The following ARHGAP31 variants were observed in gnomAD, a reference collection of about 807,000 sequenced individuals.
ARHGAP31 encodes the protein rho GTPase-activating protein 31.
ARHGAP31 carries 34 observed loss-of-function variants against 113.9 expected under a neutral mutation model. The observed-to-expected ratio is 0.30, with a 90% CI of 0.23 to 0.40. The LOEUF is 0.40. Among genes scored for constraint, ARHGAP31 ranks in the 10% least tolerant of loss-of-function variants. ARHGAP31 has a pLI of 1.00. For synonymous variants in ARHGAP31, 650 were observed against 684.8 expected (o/e 0.95, Z 0.79); for missense variants, 1,548 against 1,767.1 (o/e 0.88, Z 2.22).
At chr3:119,303,645 C>T (rs1238736432) in intron 1 of ARHGAP31, among the ~76,000 whole-genome samples, 3 of 152,170 alleles carry the variant, frequency 2.0e-5, no homozygotes, top group Non-Finnish European at 4.4e-5. Flanking sequence ...TACCAGCTCT[C>T]GCTGTCATAG....
At position 119,368,439 on chromosome 3, in the gene ARHGAP31, G is replaced by A. The variant is rs1438152969; in HGVS notation, c.271G>A (p.Val91Met). 6.2e-6 allele frequency: 10 copies of A among 1,614,162 alleles called. No individual in the cohort carries two copies. Among genetic ancestry groups the A allele is most frequent in the Non-Finnish European group, 8.5e-6 (10 of 1,180,014 alleles). ...REVYLQDIHC[V>M]GSLCKLYFRE... Reference sequence around the variant, plus strand: ...AGTGTACCTCCAGGACATCCACTGTGTGGGCTCGCTTTGCAAGCTCTACTT... The same window carrying A: ...AGTGTACCTCCAGGACATCCACTGTATGGGCTCGCTTTGCAAGCTCTACTT... The change falls in exon 3 of 12, where the codon GTG becomes ATG. Residue 91 changes from valine (V) to methionine (M), a missense_variant. Val to Met is a conservative substitution (Grantham distance 21). Transcript: ENST00000264245.
At chr3:119,299,589 G>A (rs1001019517) in intron 1 of ARHGAP31, among the ~76,000 whole-genome samples, 3 of 152,174 alleles carry the variant, frequency 2.0e-5, no homozygotes, top group Admixed American at 1.3e-4. Flanking sequence ...CTACATTTCT[G>A]AGGCTAAATG....
rs1029075732 is a variant in ARHGAP31 at position 119,299,566 on chromosome 3, A to G, written c.100+4562A>G. ...CAAGGATAAGGCAACGGGAACTTTT[A>G]GATGTGACTCTTCTACATTTCTGAG... On this transcript the variant is annotated intron_variant, in intron 1 of 11. Coordinates refer to ENST00000264245, the MANE Select transcript of ARHGAP31 (RefSeq NM_020754.4). 3.3e-5 allele frequency among the ~76,000 whole-genome samples: 5 copies of G among 152,248 alleles called. No homozygotes were observed. In the South Asian group the frequency reaches 1.0e-3, roughly 31 times the overall value.
chr3:119,354,075 C>A (rs1202971808), intron 1 of ARHGAP31, among the ~76,000 whole-genome samples: 1 of 152,216 alleles, frequency 6.6e-6, no homozygotes, highest in Non-Finnish European at 1.5e-5. Flanking sequence ...GGCTTGGCAT[C>A]TGAGAGCCTA....
chr3:119,390,386 A>G (rs2080492947), intron 6 of ARHGAP31, among the ~76,000 whole-genome samples: 1 of 152,214 alleles, frequency 6.6e-6, no homozygotes, highest in African/African-American at 2.4e-5. Context: ...CAGTTAGGCT[A>G]TCTCTGTGGC....
At chr3:119,308,125 G>C (rs2079647619) in intron 1 of ARHGAP31, among the ~76,000 whole-genome samples, 1 of 152,102 alleles carries the variant, frequency 6.6e-6, no homozygotes, top group South Asian at 2.1e-4. Context: ...GATCAGAAGA[G>C]TGAAGGATTG....
intron 6 of ARHGAP31, 98 bp from the exon 7 acceptor site, chr3:119,390,687 A>G: frequency 7.4e-7 from 1 of 1,346,526 alleles, no homozygotes; most frequent in South Asian, 1.2e-5. Flanking sequence ...CTCAGCCCCC[A>G]TCATAGGATC....
intron 1 of ARHGAP31, among the ~76,000 whole-genome samples, chr3:119,297,228 G>T (rs1057473107): frequency 1.3e-5 from 2 of 152,202 alleles, no homozygotes; most frequent in Non-Finnish European, 2.9e-5. Context: ...TAGCATCAAT[G>T]AACAAAGTCA....
intron 7 of ARHGAP31, among the ~76,000 whole-genome samples, chr3:119,392,825 C>T (rs1165910808): frequency 6.6e-6 from 1 of 152,230 alleles, no homozygotes; most frequent in African/African-American, 2.4e-5. Flanking sequence ...CTCATCCAAC[C>T]CTTTTCAGTC....
At chr3:119,341,852 G>A (rs778989393) in intron 1 of ARHGAP31, 3 of 149,836 alleles carry the variant, frequency 2.0e-5, no homozygotes, top group Non-Finnish European at 3.0e-5. Flanking sequence ...GGAACGCTTC[G>A]TGAAATTTCA....
chr3:119,314,100 C>A (rs1033938508), intron 1 of ARHGAP31, among the ~76,000 whole-genome samples: 3 of 152,212 alleles, frequency 2.0e-5, no homozygotes, highest in Admixed American at 6.5e-5. Flanking sequence ...AGAGCATTAT[C>A]CCTGGCCACA....
chr3:119,415,837 C>G lies in ARHGAP31; in HGVS notation c.3908C>G (p.Ala1303Gly). The change falls in exon 12 of 12, where the codon GCA (alanine) becomes GGA (glycine). Residue 1303 changes from alanine (A) to glycine (G), a missense_variant. Transcript: ENST00000264245. The part of the protein sequence containing the change: ...GSSNLLSTQD[A>G]VVQCRKRMSE... The stretch of plus-strand genomic sequence containing the variant: ...TCTAACCTGCTCTCCACCCAGGATG[C>G]AGTAGTGCAATGCAGAAAGCGCATG... 1.9e-6 allele frequency: 3 copies of G among 1,614,230 alleles called. No individual in the cohort carries two copies. The highest frequency in any genetic ancestry group is 2.5e-6 in the Non-Finnish European group (3 of 1,180,042).
chr3:119,403,889 A>G, intron 10 of ARHGAP31, among the ~76,000 whole-genome samples: 1 of 152,176 alleles, frequency 6.6e-6, no homozygotes, highest in East Asian at 1.9e-4. Flanking sequence ...CCTGTTTCTC[A>G]TCTGCAAAGC....
intron 1 of ARHGAP31, among the ~76,000 whole-genome samples, chr3:119,295,442 C>G (rs2079524895): frequency 7.5e-6 from 1 of 132,970 alleles, no homozygotes; most frequent in Non-Finnish European, 1.5e-5. Context: ...CCAATTTCGT[C>G]TGCTCACATC....
chr3:119,414,251 A>G lies in ARHGAP31; in HGVS notation c.2322A>G (p.Pro774=), dbSNP rs902073819. 2 of 1,614,220 alleles carry G rather than the reference A, an allele frequency of 1.2e-6. No individual in the cohort carries two copies. The highest frequency in any genetic ancestry group is 2.7e-5 in the African/African-American group (2 of 75,064). The stretch of plus-strand genomic sequence containing the variant: ...AAGCAACAGTGGAAGTAGGAGGCCC[A>G]GGCAATCTGTCTCCTCCACTCCCAC... ...SPQATVEVGG[P]GNLSPPLPPA... The change falls in exon 12 of 12, where the codon CCA becomes CCG. Residue 774 remains proline (P), a synonymous_variant. Coordinates refer to ENST00000264245, the MANE Select transcript of ARHGAP31 (RefSeq NM_020754.4).
intron 10 of ARHGAP31, among the ~76,000 whole-genome samples, chr3:119,404,371 G>A (rs973323424): frequency 6.6e-6 from 1 of 152,062 alleles, no homozygotes; most frequent in Non-Finnish European, 1.5e-5. Flanking sequence ...TCCTACCTGT[G>A]GCCAATGGGC....
At chr3:119,312,198 T>C (rs1198907463) in intron 1 of ARHGAP31, among the ~76,000 whole-genome samples, 1 of 152,232 alleles carries the variant, frequency 6.6e-6, no homozygotes, top group Non-Finnish European at 1.5e-5. Flanking sequence ...GGTTTTGTTG[T>C]AGCTGTTGAG....
At chr3:119,343,279 G>A (rs990035065) in intron 1 of ARHGAP31, among the ~76,000 whole-genome samples, 3 of 152,164 alleles carry the variant, frequency 2.0e-5, no homozygotes, top group African/African-American at 7.2e-5. Context: ...GAGAGACTGG[G>A]CTTAAATACC....
intron 7 of ARHGAP31, among the ~76,000 whole-genome samples, chr3:119,392,642 C>T (rs987858433): frequency 5.3e-5 from 8 of 152,194 alleles, no homozygotes; most frequent in African/African-American, 1.9e-4. Flanking sequence ...CAGGCTGTCT[C>T]GACGCAGCCT....
Sources: gnomAD v4.1 joint callset for allele counts (sites outside exome capture counted in the v4.1 genomes callset) on GRCh38, gnomAD v4.1.1 for gene constraint, MANE v1.5 for transcripts, NCBI Gene and HGNC (gene_info 2026-07-23, HGNC 2026-07-21) for gene names.